Variants in GPHN observed in about 807,000 individuals in gnomAD.
GPHN encodes the protein gephyrin.
GPHN carries 17 observed loss-of-function variants against 95.5 expected under a neutral mutation model. That is an observed-to-expected ratio of 0.18 (90% CI 0.12 to 0.27). The LOEUF (loss-of-function observed/expected upper bound fraction) is 0.27, where lower values mean the gene tolerates loss of function less well. GPHN is among the 10% of genes least tolerant of loss of function. The probability of loss-of-function intolerance (pLI) is 1.00; values close to 1 mark genes in which losing one functional copy is unlikely to be tolerated. For missense variants in GPHN, 660 were observed against 978.1 expected (o/e 0.67, Z 4.34); for synonymous variants, 320 against 322.5 (o/e 0.99, Z 0.08).
chr14:66,899,104 A>C (rs2065003168), intron 5 of GPHN, among the ~76,000 whole-genome samples: 1 of 146,938 alleles, frequency 6.8e-6, no homozygotes, highest in Non-Finnish European at 1.5e-5. Flanking sequence ...AGTACTATTA[A>C]TTCTAGGAGG....
chr14:66,780,829 G>A (rs2059578619), intron 3 of GPHN, among the ~76,000 whole-genome samples: 1 of 152,168 alleles, frequency 6.6e-6, no homozygotes, highest in African/African-American at 2.4e-5. Flanking sequence ...TGAAAGAAAT[G>A]TGAAGCATAC....
intron 8 of GPHN, among the ~76,000 whole-genome samples, chr14:66,954,652 A>G (rs1444299714): frequency 6.6e-6 from 1 of 152,154 alleles, no homozygotes; most frequent in Non-Finnish European, 1.5e-5. Flanking sequence ...TAGAACTTTG[A>G]GTACAATGTT....
chr14:66,899,122 C>CTTTTTTTT (rs149566081), intron 5 of GPHN, among the ~76,000 whole-genome samples: 3 of 130,802 alleles, frequency 2.3e-5, no homozygotes, highest in Admixed American at 7.3e-5. Context: ...AGGGCTTTTT[C>CTTTTTTTT]TTTTTTTTTT....
chr14:66,834,728 T>C (rs1326546269), intron 4 of GPHN, among the ~76,000 whole-genome samples: 1 of 151,808 alleles, frequency 6.6e-6, no homozygotes, highest in Non-Finnish European at 1.5e-5. Flanking sequence ...TTTATGGTTG[T>C]GTCTCTGCCC....
At chr14:66,622,456 C>G (rs931750331) in intron 1 of GPHN, among the ~76,000 whole-genome samples, 1 of 152,208 alleles carries the variant, frequency 6.6e-6, no homozygotes, top group Non-Finnish European at 1.5e-5. Context: ...CTCCTCATTA[C>G]TTTTGCAAAT....
At chr14:67,241,178 C>T in the GPHN span, 1 of 152,238 alleles carries the variant, frequency 6.6e-6, no homozygotes, top group Non-Finnish European at 1.5e-5. Flanking sequence ...TGAGCGGGCG[C>T]TCTCTCCGCT....
intron 1 of GPHN, among the ~76,000 whole-genome samples, chr14:66,567,141 A>T (rs188214528): frequency 6.6e-6 from 1 of 152,250 alleles, no homozygotes; most frequent in Admixed American, 6.5e-5. Flanking sequence ...CAGATAAAGG[A>T]TGAATAAGAA....
rs755780656 is a variant in GPHN, at chr14:66,879,990, C to G, written c.346C>G (p.Leu116Val). 6.8e-6 allele frequency: 11 copies of G among 1,611,080 alleles called. No homozygotes were observed. In the Admixed American group the frequency reaches 1.7e-4, roughly 24 times the overall value. ...AGCACCAGGGATGGCCCTGGCAATG[C>G]TGATGGGATCACTTAATGTTACACC... Reference protein sequence around the residue: ...REAPGMALAMLMGSLNVTPLG... With the variant: ...REAPGMALAMVMGSLNVTPLG... The change falls in exon 5 of 23, where the codon CTG (leucine) becomes GTG (valine). Residue 116 changes from leucine (L) to valine (V), a missense_variant. Leu to Val is a conservative substitution (Grantham distance 32). Transcript: ENST00000478722.
the GPHN span, among the ~76,000 whole-genome samples, chr14:67,625,696 A>G: frequency 7.8e-4 from 117 of 149,058 alleles, no homozygotes; most frequent in African/African-American, 2.1e-3. Flanking sequence ...AAAAAAAAAA[A>G]AAAAGAAACT....
chr14:67,651,850 G>A, the GPHN span: 1 of 178,634 alleles, frequency 5.6e-6, no homozygotes, highest in African/African-American at 2.4e-5. Context: ...TAGAAGCCTG[G>A]GTAATACCTT....
At chr14:67,524,590 G>A in the GPHN span, among the ~76,000 whole-genome samples, 1 of 152,114 alleles carries the variant, frequency 6.6e-6, no homozygotes, top group East Asian at 1.9e-4. Flanking sequence ...TCCTCAAATG[G>A]AGAAAATGGC....
At chr14:67,678,392 C>G in the GPHN span, 1 of 1,613,970 alleles carries the variant, frequency 6.2e-7, no homozygotes. Context: ...TCATTACGAG[C>G]TTGGGCAGAG....
chr14:66,837,675 AG>A (rs1205319240), intron 4 of GPHN, among the ~76,000 whole-genome samples: 8 of 151,302 alleles, frequency 5.3e-5, no homozygotes, highest in Non-Finnish European at 1.0e-4. Flanking sequence ...TTAAGTTGAA[AG>A]GGTCCTATTC....
the GPHN span, among the ~76,000 whole-genome samples, chr14:67,407,706 G>A: frequency 1.3e-5 from 2 of 151,920 alleles, no homozygotes; most frequent in African/African-American, 4.8e-5. Context: ...CTCCCACATT[G>A]TTGGAATTTA....
the GPHN span, among the ~76,000 whole-genome samples, chr14:67,474,194 G>A: frequency 1.3e-5 from 2 of 151,932 alleles, no homozygotes; most frequent in African/African-American, 4.8e-5. Context: ...AGAGGTTGGA[G>A]TGAGCCAAGA....
intron 2 of GPHN, among the ~76,000 whole-genome samples, chr14:66,704,742 A>G (rs1201127178): frequency 1.3e-5 from 2 of 152,146 alleles, no homozygotes; most frequent in African/African-American, 4.8e-5. Flanking sequence ...CTATCGTCAC[A>G]ATTTAAAAGA....
intron 1 of GPHN, among the ~76,000 whole-genome samples, chr14:66,553,789 A>G (rs1030658520): frequency 5.3e-5 from 8 of 152,004 alleles, no homozygotes; most frequent in Non-Finnish European, 1.0e-4. Context: ...GTTGGCCAGG[A>G]TGGTCTCCAT....
chr14:67,111,967 G>A, intron 15 of GPHN, 48 bp downstream of exon 15: 1 of 1,341,052 alleles, frequency 7.5e-7, no homozygotes. Flanking sequence ...GTTTCTACAT[G>A]ATCATTTACT....
chr14:67,599,055 G>C, the GPHN span, among the ~76,000 whole-genome samples: 2 of 152,128 alleles, frequency 1.3e-5, no homozygotes, highest in African/African-American at 2.4e-5. Context: ...CCTGCAATTA[G>C]GGCAGTCTTA....
Sources: allele counts gnomAD v4.1 joint callset (sites outside exome capture counted in the v4.1 genomes callset), GRCh38; gene constraint gnomAD v4.1.1; transcripts MANE v1.5; gene names NCBI Gene and HGNC (gene_info 2026-07-23, HGNC 2026-07-21).